Variants in RNPEPL1 observed in about 807,000 individuals in gnomAD.
RNPEPL1 encodes the protein aminopeptidase RNPEPL1.
In RNPEPL1, 46 loss-of-function variants were observed where a neutral mutation model predicts 69.0. That is an observed-to-expected ratio of 0.67 (90% CI 0.53 to 0.85). RNPEPL1 has a LOEUF of 0.85. Among genes scored for constraint, RNPEPL1 ranks in the 40% least tolerant of loss-of-function variants. The pLI, the probability that RNPEPL1 is intolerant of heterozygous loss-of-function variation, is 0.00. For synonymous variants in RNPEPL1, 525 were observed against 454.1 expected (o/e 1.16, Z -1.98); for missense variants, 869 against 992.5 (o/e 0.88, Z 1.67).
chr2:240,577,275 G>A (rs559685898), intron 10 of RNPEPL1, among the ~76,000 whole-genome samples: 13 of 152,312 alleles, frequency 8.5e-5, no homozygotes, highest in East Asian at 5.8e-4. Flanking sequence ...GGCCTTCAGC[G>A]TCCTGGTCTG....
At chr2:240,574,975 T>C (rs751450428) in intron 6 of RNPEPL1, 55 bp from the exon 7 acceptor site, 11 of 1,348,428 alleles carry the variant, frequency 8.2e-6, no homozygotes, top group Non-Finnish European at 1.1e-5. Context: ...CCCTCCCTAT[T>C]CCACGGGACA....
rs2093042821 is a variant in RNPEPL1, at chr2:240,578,013, C to T, written c.*121C>T. 4 of 1,008,810 alleles carry T rather than the reference C, an allele frequency of 4.0e-6. No individual in the cohort carries two copies. The highest frequency in any genetic ancestry group is 4.1e-6 in the Non-Finnish European group (3 of 734,582). The allele number at this position is 1,008,810 out of a possible 1,614,324, so 62.5% of individuals were successfully genotyped here. A position where few individuals can be genotyped will look rare whatever the true frequency, so the allele number is the denominator to read the frequency against. ...GCTCTGCCCAGGCCCACAAGCCCCT[C>T]CCCTGGGCTCTCCCAGGCAGGGAGA... is the stretch of plus-strand genomic sequence containing the variant. On this transcript the variant is annotated 3_prime_UTR_variant, in exon 11 of 11. Transcript: ENST00000270357.
Position 240,568,763 on chromosome 2 carries a change from C to G in RNPEPL1, c.177C>G (p.Gly59=). The G allele has an allele frequency of 1.9e-6, 2 of 1,069,680 alleles. No homozygotes were observed. Among genetic ancestry groups the G allele is most frequent in the Non-Finnish European group, 2.3e-6 (2 of 883,512 alleles). 66.3% of individuals were successfully genotyped at this position (1,069,680 alleles called of 1,614,324 possible). Residue 59 remains glycine, a synonymous_variant, in exon 1 of 11, where the codon GGC becomes GGG. Transcript: ENST00000270357. The surrounding 1 kb of genome is among the most constrained non-coding windows in gnomAD (Gnocchi z 6.2). ...ELRPEARELA[G]CLVLELCALR... ...GGCCCGAGGCGCGCGAGTTGGCCGGCTGCCTGGTGCTCGAGCTGTGCGCGC... is the reference window on the plus strand; with the variant it reads ...GGCCCGAGGCGCGCGAGTTGGCCGGGTGCCTGGTGCTCGAGCTGTGCGCGC...
At chr2:240,575,824 C>T in intron 8 of RNPEPL1, 2 of 577,916 alleles carry the variant, frequency 3.5e-6, no homozygotes, top group Non-Finnish European at 6.2e-6. Flanking sequence ...GTGGCACAGG[C>T]TAAGCAGGCC....
In RNPEPL1 at chr2:240,573,122, G is replaced by C. The variant is rs937364490; in HGVS notation, c.682G>C (p.Val228Leu). The C allele has an allele frequency of 6.2e-7, 1 of 1,608,088 alleles. No homozygotes were observed. Among genetic ancestry groups the C allele is most frequent in the Non-Finnish European group, 8.5e-7 (1 of 1,177,764 alleles). The change falls in exon 3 of 11, where the codon GTG becomes CTG. Residue 228 changes from valine to leucine, a missense_variant. Val to Leu is a conservative substitution (Grantham distance 32). This residue lies in a region of RNPEPL1 where 610 missense variants were observed against 790.9 expected (regional missense o/e 0.77). Transcript: ENST00000270357. ...GGCCTCCTTACAGGCGCCATCGGGG[G>C]TGCAGGTGCTGATGAGTGCCACCCG... ...YSAVVKAPSGVQVLMSATRSA... is the reference protein window; with the variant it reads ...YSAVVKAPSGLQVLMSATRSA...
rs74004103 is a variant in RNPEPL1 at position 240,575,902 on chromosome 2, G to A, written c.1510+292G>A. 535 of 451,574 alleles carry A rather than the reference G, an allele frequency of 1.2e-3. 2 individuals carry two copies. Among genetic ancestry groups the A allele is most frequent in the African/African-American group, 9.5e-3 (483 of 50,934 alleles). 28.0% of individuals were successfully genotyped at this position (451,574 alleles called of 1,614,324 possible). A position where few individuals can be genotyped will look rare whatever the true frequency, so the allele number is the denominator to read the frequency against. The stretch of plus-strand genomic sequence containing the variant: ...GCAAAGGGCCTGGTGCAGGAAGGGC[G>A]GGTGACGGGGGTGTCCTGGAGCTGG... On this transcript the variant is annotated intron_variant, in intron 8 of 10. Coordinates refer to ENST00000270357, the MANE Select transcript of RNPEPL1 (RefSeq NM_018226.6).
At chr2:240,574,988 G>T (rs2093033491) in intron 6 of RNPEPL1, 42 bp from the exon 7 acceptor site, 1 of 1,464,228 alleles carries the variant, frequency 6.8e-7, no homozygotes, top group African/African-American at 1.4e-5. Context: ...ACGGGACACT[G>T]GTGGTTTCGG....
In RNPEPL1 at chr2:240,575,493, G is replaced by A. The variant is rs1018417293; in HGVS notation, c.1402-9G>A. 6.2e-7 allele frequency: 1 copy of A among 1,609,858 alleles called. No homozygotes were observed. The highest frequency in any genetic ancestry group is 1.3e-5 in the African/African-American group (1 of 74,876). On this transcript the variant is annotated splice_polypyrimidine_tract_variant and intron_variant, in intron 7 of 10. Transcript: ENST00000270357. ...CCAGGCCTGCTGAGGCCCCACCTCT[G>A]CCACACAGGCCTATGTGGAGAAGTA...
chr2:240,570,805 CA>C (rs928563984), intron 1 of RNPEPL1, among the ~76,000 whole-genome samples: 5 of 152,190 alleles, frequency 3.3e-5, no homozygotes, highest in Admixed American at 3.3e-4. Context: ...ATTGGTGCCC[CA>C]TCTGTGGGGC....
intron 8 of RNPEPL1, chr2:240,575,841 GGC>G (rs1309230917): frequency 1.8e-6 from 1 of 551,252 alleles, no homozygotes; most frequent in African/African-American, 1.9e-5. Context: ...GGCCGAGTCA[GGC>G]ACTCCCAGGA....
At chr2:240,573,679 T>C (rs2093029125) in intron 3 of RNPEPL1, 96 bp from the exon 4 acceptor site, 1 of 1,042,458 alleles carries the variant, frequency 9.6e-7, no homozygotes, top group Admixed American at 2.6e-5. Flanking sequence ...GGGTGAGGTG[T>C]GGGTGTTACT....
chr2:240,574,650 C>T (rs756294932), intron 6 of RNPEPL1, 22 bp downstream of exon 6: 3 of 1,580,026 alleles, frequency 1.9e-6, no homozygotes, highest in Non-Finnish European at 2.6e-6. Context: ...TCAGGACCCG[C>T]TCCCACAACT....
At position 240,579,371 on chromosome 2, in the gene RNPEPL1, G is replaced by A. The variant is rs1432363836; in HGVS notation, c.*1479G>A. On this transcript the variant is annotated 3_prime_UTR_variant, in exon 11 of 11. Transcript: ENST00000270357. ...CCCCGCCCCTCCCCTCCCCTCCCAAGGACATATGAGTCCCCTCCAGTGGCG... is the reference window on the plus strand; with the variant it reads ...CCCCGCCCCTCCCCTCCCCTCCCAAAGACATATGAGTCCCCTCCAGTGGCG... 4 of 141,758 alleles carry A rather than the reference G, an allele frequency of 2.8e-5. No homozygotes were observed. The highest frequency in any genetic ancestry group is 4.5e-5 in the Non-Finnish European group (3 of 67,012). 8.8% of individuals were successfully genotyped at this position (141,758 alleles called of 1,614,324 possible). A position where few individuals can be genotyped will look rare whatever the true frequency, so the allele number is the denominator to read the frequency against.
chr2:240,577,661 C>G lies in RNPEPL1; in HGVS notation c.1947C>G (p.Phe649Leu), dbSNP rs751363771. The change falls in exon 11 of 11, where the codon TTC becomes TTG. Residue 649 changes from phenylalanine (F) to leucine (L), a missense_variant. Coordinates refer to ENST00000270357, the MANE Select transcript of RNPEPL1 (RefSeq NM_018226.6). ...EDLCTGALKS[F>L]ALEVFYQTQG... ...TCTGCACCGGTGCCCTCAAGTCCTTCGCGCTGGAGGTCTTCTACCAGACGC... is the reference window on the plus strand; with the variant it reads ...TCTGCACCGGTGCCCTCAAGTCCTTGGCGCTGGAGGTCTTCTACCAGACGC... 1.2e-6 allele frequency: 2 copies of G among 1,612,330 alleles called. No individual in the cohort carries two copies. The highest frequency in any genetic ancestry group is 8.5e-7 in the Non-Finnish European group (1 of 1,179,314).
At position 240,580,885 on chromosome 2, in the gene RNPEPL1, A is replaced by C. The variant is rs1468660198; in HGVS notation, c.*2993A>C. 1 of 152,226 alleles carries C rather than the reference A, an allele frequency of 6.6e-6. No homozygotes were observed. The highest frequency in any genetic ancestry group is 6.5e-5 in the Admixed American group (1 of 15,276). The allele number at this position is 152,226 out of a possible 1,614,324, so 9.4% of individuals were successfully genotyped here. ...TTAGAAAGCTGAAGCCTGAAAAAAC[A>C]GTGAAGGAGACCCATGCAAATTTCT... is the stretch of plus-strand genomic sequence containing the variant. On this transcript the variant is annotated 3_prime_UTR_variant, in exon 11 of 11. Coordinates refer to ENST00000270357, the MANE Select transcript of RNPEPL1 (RefSeq NM_018226.6).
At chr2:240,573,022 A>G in intron 2 of RNPEPL1, 88 bp from the exon 3 acceptor site, 2 of 1,417,140 alleles carry the variant, frequency 1.4e-6, no homozygotes, top group Non-Finnish European at 1.9e-6. Context: ...TCCTGCTACG[A>G]ATATGGGGCT....
At chr2:240,576,191 C>T in intron 8 of RNPEPL1, 1 of 392,710 alleles carries the variant, frequency 2.5e-6, no homozygotes, top group East Asian at 4.7e-5. Flanking sequence ...GCCTGTTGCC[C>T]CCATCCCGCC....
intron 8 of RNPEPL1, 132 bp from the exon 9 acceptor site, chr2:240,576,403 C>T: frequency 1.2e-6 from 1 of 807,434 alleles, no homozygotes; most frequent in South Asian, 1.8e-5. Flanking sequence ...CTCCGCCTTC[C>T]TGAACAGCCC....
chr2:240,577,085 C>G, intron 10 of RNPEPL1, 95 bp downstream of exon 10: 1 of 1,495,648 alleles, frequency 6.7e-7, no homozygotes, highest in Admixed American at 1.7e-5. Flanking sequence ...TTGGGGCAGG[C>G]CAGGCACATT....
Sources: allele counts gnomAD v4.1 joint callset (sites outside exome capture counted in the v4.1 genomes callset), GRCh38; gene constraint gnomAD v4.1.1; regional missense constraint gnomAD v4.1.1; non-coding constraint Gnocchi (gnomAD v3.1); transcripts MANE v1.5; gene names NCBI Gene and HGNC (gene_info 2026-07-23, HGNC 2026-07-21).